The following ZNHIT3 variants were observed in gnomAD, a reference collection of about 807,000 sequenced individuals.
The protein encoded by ZNHIT3 is zinc finger HIT domain-containing protein 3.
A neutral mutation model predicts 19.9 loss-of-function variants in ZNHIT3; 27 were observed. The ratio of observed to expected loss-of-function variants is 1.36; its 90% CI spans 1.00 to 1.87. The LOEUF (loss-of-function observed/expected upper bound fraction) is 1.87, where lower values mean the gene tolerates loss of function less well. Ranked by LOEUF, ZNHIT3 falls within the 40% of genes most tolerant of loss-of-function variation. The pLI is 0.00. For synonymous variants in ZNHIT3, 81 were observed against 65.7 expected (o/e 1.23, Z -1.13); for missense variants, 215 against 185.6 (o/e 1.16, Z -0.92).
chr17:36,497,502 T>C (rs1481185444), downstream of ZNHIT3: 1 of 982,392 alleles, frequency 1.0e-6, no homozygotes. Flanking sequence ...GATTATTTGC[T>C]CTCAAGTCTT....
downstream of ZNHIT3, chr17:36,497,968 A>G (rs763847497): frequency 4.3e-4 from 174 of 404,600 alleles, no homozygotes; most frequent in Non-Finnish European, 3.4e-4. Context: ...CATCAGAATC[A>G]GCTGGGAGCT....
At chr17:36,493,096 CAGG>C (rs2070765728) in intron 3 of ZNHIT3, 197 bp downstream of exon 3, 3 of 608,626 alleles carry the variant, frequency 4.9e-6, no homozygotes, top group African/African-American at 1.9e-5. Context: ...AAGCAGTATT[CAGG>C]AGAAGAAAAA....
At chr17:36,487,432 TTTG>T (rs1341952873) in intron 2 of ZNHIT3, among the ~76,000 whole-genome samples, 5 of 152,218 alleles carry the variant, frequency 3.3e-5, no homozygotes, top group African/African-American at 1.2e-4. Context: ...ACGTCCTTGA[TTTG>T]TTAAGAGAAA....
intron 2 of ZNHIT3, chr17:36,490,071 C>T (rs766123651): frequency 2.6e-5 from 4 of 151,052 alleles, no homozygotes; most frequent in Admixed American, 1.3e-4. Flanking sequence ...CTTTGTTGTA[C>T]AGAAGCTTTT....
chr17:36,490,381 G>A (rs1312350004), intron 2 of ZNHIT3: 21 of 152,148 alleles, frequency 1.4e-4, no homozygotes, highest in Admixed American at 1.3e-3. Flanking sequence ...TTTGTGAAAA[G>A]TCAGTTGGCT....
At chr17:36,486,888 C>T (rs757730054) in intron 1 of ZNHIT3, 47 bp from the exon 2 acceptor site, 1 of 1,594,900 alleles carries the variant, frequency 6.3e-7, no homozygotes, top group South Asian at 1.1e-5. Context: ...GCTGGAGGGG[C>T]CGGGGACCCT....
In ZNHIT3 at chr17:36,487,796, A is replaced by T. The variant is rs184324528; in HGVS notation, c.118+830A>T. Among the ~76,000 whole-genome samples the T allele has an allele frequency of 2.7e-5, 4 of 147,096 alleles. No homozygotes were observed. In the East Asian group the frequency reaches 8.2e-4, roughly 30 times the overall value. On this transcript the variant is annotated intron_variant, in intron 2 of 4. Coordinates refer to ENST00000617429, the MANE Select transcript of ZNHIT3 (RefSeq NM_004773.4). Reference sequence around the variant, plus strand: ...ACAGAGCCAGACTCAGTCTGGAAAAAAAAAGAAAAAAAAAAGTTTGATGTA... The same window carrying T: ...ACAGAGCCAGACTCAGTCTGGAAAATAAAAGAAAAAAAAAAGTTTGATGTA...
Position 36,494,073 on chromosome 17 carries a change from T to A in ZNHIT3, c.286+67T>A, listed in dbSNP as rs1326895926. On this transcript the variant is annotated intron_variant, in intron 4 of 4. Transcript: ENST00000617429. ...CTGTGTTGTAAGGATTGTGATTTTT[T>A]AAAAAGTTTTTAATTTCTTGAATAA... The A allele has an allele frequency of 4.9e-5, 64 of 1,310,398 alleles. 1 individual carries two copies. The highest frequency in any genetic ancestry group is 2.0e-4 in the South Asian group (16 of 81,474). 81.2% of individuals were successfully genotyped at this position (1,310,398 alleles called of 1,614,324 possible).
rs372046899 is a variant in ZNHIT3 at position 36,495,245 on chromosome 17, C to T, written c.309C>T (p.Ser103=). 6.3e-7 allele frequency: 1 copy of T among 1,586,458 alleles called. No individual in the cohort carries two copies. The highest frequency in any genetic ancestry group is 1.4e-5 in the African/African-American group (1 of 73,038). The change falls in exon 5 of 5, where the codon AGC becomes AGT. Residue 103 remains serine (S), a synonymous_variant. Coordinates refer to ENST00000617429, the MANE Select transcript of ZNHIT3 (RefSeq NM_004773.4). ...TAGGGGAATCTGCAACATTAAGAAGCTTATTGCTCAATCCACACCTCAGGC... is the reference window on the plus strand; with the variant it reads ...TAGGGGAATCTGCAACATTAAGAAGTTTATTGCTCAATCCACACCTCAGGC... ...KNLGESATLR[S]LLLNPHLRQL...
intron 2 of ZNHIT3, 82 bp from the exon 3 acceptor site, chr17:36,492,731 C>T (rs1159609988): frequency 7.9e-7 from 1 of 1,264,288 alleles, no homozygotes; most frequent in Non-Finnish European, 1.1e-6. Context: ...TTGCTTCCTA[C>T]CTAGATGCTA....
chr17:36,496,493 C>T (rs1567722123), downstream of ZNHIT3: 4 of 1,322,884 alleles, frequency 3.0e-6, no homozygotes, highest in Middle Eastern at 1.9e-4. Context: ...GCTAAAAATG[C>T]AAGAAGGTAT....
intron 2 of ZNHIT3, chr17:36,490,484 A>G (rs2070701738): frequency 6.6e-6 from 1 of 152,146 alleles, no homozygotes; most frequent in Non-Finnish European, 1.5e-5. Context: ...TAGATATTAT[A>G]GCTTTGTAGT....
Position 36,495,468 on chromosome 17 carries a change from C to T in ZNHIT3, c.*64C>T. 2.7e-6 allele frequency: 4 copies of T among 1,481,712 alleles called. No homozygotes were observed. The highest frequency in any genetic ancestry group is 4.3e-4 in the Middle Eastern group (2 of 4,650). 91.8% of individuals were successfully genotyped at this position (1,481,712 alleles called of 1,614,324 possible). A position where few individuals can be genotyped will look rare whatever the true frequency, so the allele number is the denominator to read the frequency against. Reference sequence around the variant, plus strand: ...CTCCTGGAACCTGCCTGCTCCCTCTCCCAGACCAGCTAGTTTGGGGCTGGG... The same window carrying T: ...CTCCTGGAACCTGCCTGCTCCCTCTTCCAGACCAGCTAGTTTGGGGCTGGG... On this transcript the variant is annotated 3_prime_UTR_variant, in exon 5 of 5. Coordinates refer to ENST00000617429, the MANE Select transcript of ZNHIT3 (RefSeq NM_004773.4).
Position 36,492,875 on chromosome 17 carries a change from A to G in ZNHIT3, c.181A>G (p.Thr61Ala). 1 of 1,614,144 alleles carries G rather than the reference A, an allele frequency of 6.2e-7. No homozygotes were observed. Among genetic ancestry groups the G allele is most frequent in the South Asian group, 1.1e-5 (1 of 91,086 alleles). Residue 61 changes from threonine (T) to alanine (A), a missense_variant, in exon 3 of 5, where the codon ACC (threonine) becomes GCC (alanine). By Grantham distance (58) the Thr-to-Ala change is moderately conservative. Coordinates refer to ENST00000617429, the MANE Select transcript of ZNHIT3 (RefSeq NM_004773.4). ...AATAAGATCAGCTCTTCCTACCAAA[A>G]CCGTAAAGCCTGTGGAAAACAAAGG... ...KKIRSALPTKTVKPVENKDDD... is the reference protein window; with the variant it reads ...KKIRSALPTKAVKPVENKDDD...
chr17:36,496,292 G>C (rs369986740), downstream of ZNHIT3: 30 of 1,613,940 alleles, frequency 1.9e-5, no homozygotes, highest in Non-Finnish European at 2.5e-5. Context: ...ACGTGGATCA[G>C]CCTGTGTCTT....
chr17:36,492,584 G>A (rs1183421843), intron 2 of ZNHIT3: 1 of 545,716 alleles, frequency 1.8e-6, no homozygotes, highest in East Asian at 3.0e-5. Flanking sequence ...TAGGGAGGAT[G>A]GGGACAGGTT....
chr17:36,486,813 G>A (rs748006012), intron 1 of ZNHIT3, 28 bp downstream of exon 1: 3 of 1,608,692 alleles, frequency 1.9e-6, no homozygotes. Flanking sequence ...GGGGTCCAGG[G>A]GCGCGGGTGT....
chr17:36,491,071 A>C (rs1255074337), intron 2 of ZNHIT3: 1 of 152,092 alleles, frequency 6.6e-6, no homozygotes, highest in Non-Finnish European at 1.5e-5. Flanking sequence ...TGATCCTTCC[A>C]CCTTGGCCTC....
rs368219198 is a variant in ZNHIT3, at chr17:36,493,913, T to G, written c.206-13T>G. 1.2e-6 allele frequency: 2 copies of G among 1,604,176 alleles called. No homozygotes were observed. Among genetic ancestry groups the G allele is most frequent in the African/African-American group, 2.7e-5 (2 of 74,758 alleles). ...TTTTAGCCATGAGCCATTGACTGTT[T>G]TGTATTCCTTAGATGATGATGACTC... is the stretch of plus-strand genomic sequence containing the variant. On this transcript the variant is annotated splice_polypyrimidine_tract_variant and intron_variant, in intron 3 of 4. Transcript: ENST00000617429.
Sources: allele counts gnomAD v4.1 joint callset (sites outside exome capture counted in the v4.1 genomes callset), GRCh38; gene constraint gnomAD v4.1.1; transcripts MANE v1.5; gene names NCBI Gene and HGNC (gene_info 2026-07-23, HGNC 2026-07-21).